HDAC4: variants seen among roughly 807,000 people sequenced by gnomAD.
The protein encoded by HDAC4 is histone deacetylase A.
HDAC4 carries 16 observed loss-of-function variants against 135.1 expected under a neutral mutation model. That is an observed-to-expected ratio of 0.12 (90% confidence interval 0.08 to 0.18). The LOEUF is 0.18. Ranked by LOEUF, HDAC4 falls within the 10% of genes least tolerant of loss-of-function variation. HDAC4 has a pLI of 1.00. For synonymous variants in HDAC4, 685 were observed against 653.4 expected (o/e 1.05, Z -0.74); for missense variants, 1,143 against 1,511.8 (o/e 0.76, Z 4.05).
intron 1 of HDAC4, among the ~76,000 whole-genome samples, chr2:239,399,045 T>C (rs921604055): frequency 6.6e-6 from 1 of 152,210 alleles, no homozygotes; most frequent in African/African-American, 2.4e-5. Context: ...TTTTAAGGCA[T>C]GAAAATACTT....
intron 1 of HDAC4, among the ~76,000 whole-genome samples, chr2:239,367,189 T>G (rs1288549433): frequency 6.6e-6 from 1 of 152,072 alleles, no homozygotes; most frequent in Admixed American, 6.5e-5. Context: ...AAGTCAAATT[T>G]TTGTTCATAA....
chr2:239,181,400 T>A (rs537891971), intron 4 of HDAC4, among the ~76,000 whole-genome samples: 2 of 152,216 alleles, frequency 1.3e-5, no homozygotes, highest in East Asian at 3.9e-4. Context: ...GAGGCCTGGG[T>A]GGGCCGAGGG....
At chr2:239,181,448 G>A (rs1317863449) in intron 4 of HDAC4, among the ~76,000 whole-genome samples, 3 of 152,258 alleles carry the variant, frequency 2.0e-5, no homozygotes, top group African/African-American at 4.8e-5. Flanking sequence ...CAGCGTGTGC[G>A]CAGGAGGGGC....
At chr2:239,350,968 T>A (rs4852052) in intron 2 of HDAC4, among the ~76,000 whole-genome samples, 63,429 of 152,026 alleles carry the variant, frequency 0.42, 14,324 homozygotes, top group East Asian at 0.84. Flanking sequence ...TAATCAAGTG[T>A]ACTCAAACAA....
intron 1 of HDAC4, among the ~76,000 whole-genome samples, chr2:239,381,614 T>C (rs1695421555): frequency 6.6e-6 from 1 of 152,182 alleles, no homozygotes; most frequent in African/African-American, 2.4e-5. Context: ...ACTGGGCAAA[T>C]GCGGTGCCAT....
intron 3 of HDAC4, among the ~76,000 whole-genome samples, chr2:239,234,289 C>A (rs1384520409): frequency 6.6e-6 from 1 of 152,202 alleles, no homozygotes; most frequent in Non-Finnish European, 1.5e-5. Flanking sequence ...CGCCCACCAA[C>A]CCATGCCTGA....
chr2:239,148,799 C>T (rs2041924473), intron 7 of HDAC4, among the ~76,000 whole-genome samples: 1 of 152,234 alleles, frequency 6.6e-6, no homozygotes, highest in African/African-American at 2.4e-5. Context: ...AGACCGTTCA[C>T]ACGCACCGGG....
intron 12 of HDAC4, among the ~76,000 whole-genome samples, chr2:239,119,529 G>A (rs1039270192): frequency 6.9e-6 from 1 of 144,662 alleles, no homozygotes; most frequent in African/African-American, 2.8e-5. Flanking sequence ...GCTCAGAGCT[G>A]AGGGTGTGGG....
intron 4 of HDAC4, chr2:239,186,883 G>A (rs1339289274): frequency 6.6e-6 from 1 of 152,232 alleles, no homozygotes; most frequent in Non-Finnish European, 1.5e-5. Context: ...AAACACACGG[G>A]GCTTAGGCTT....
rs372656549 is a variant in HDAC4 at position 239,242,608 on chromosome 2, C to G, written c.23-5944G>C. ...TACAAATAATGACAGTTGTTTCCAC[C>G]TTCCAGACCTCACACCTTTTCTTCT... On this transcript the variant is annotated intron_variant, in intron 2 of 26. Coordinates refer to ENST00000543185, the MANE Select transcript of HDAC4 (RefSeq NM_001378414.1). 2.6e-5 allele frequency among the ~76,000 whole-genome samples: 4 copies of G among 152,278 alleles called. No individual in the cohort carries two copies. The South Asian group carries it at 8.3e-4, about 32-fold the overall frequency.
At chr2:239,213,379 C>T (rs190307221) in intron 3 of HDAC4, among the ~76,000 whole-genome samples, 125 of 152,310 alleles carry the variant, frequency 8.2e-4, no homozygotes, top group African/African-American at 2.7e-3. Flanking sequence ...CAGCGGTGCC[C>T]GCGCCCCTCA....
chr2:239,094,881 G>C, intron 17 of HDAC4, 129 bp downstream of exon 17: 1 of 1,592,206 alleles, frequency 6.3e-7, no homozygotes, highest in Non-Finnish European at 8.6e-7. Flanking sequence ...GCCGCACATG[G>C]GCAGCCCCTG....
Position 239,061,307 on chromosome 2 carries a change from G to C in HDAC4, c.3003+5415C>G, listed in dbSNP as rs940573600. On this transcript the variant is annotated intron_variant, in intron 24 of 26. Coordinates refer to ENST00000543185, the MANE Select transcript of HDAC4 (RefSeq NM_001378414.1). ...GGTGCTTCTGTGGGTGTGCAGATGT[G>C]TGGTGTGTGCATGCACAAGAGGGCA... Among the ~76,000 whole-genome samples the C allele has an allele frequency of 9.9e-5, 15 of 151,944 alleles. No homozygotes were observed. In the East Asian group the frequency reaches 2.9e-3, roughly 29 times the overall value.
intron 2 of HDAC4, among the ~76,000 whole-genome samples, chr2:239,244,359 G>C (rs1264846919): frequency 2.6e-5 from 4 of 152,162 alleles, no homozygotes; most frequent in Non-Finnish European, 1.5e-5. Flanking sequence ...CTGTGAGAAA[G>C]CGCTGCGCGA....
intron 6 of HDAC4, among the ~76,000 whole-genome samples, chr2:239,159,972 C>A (rs1379365144): frequency 6.6e-6 from 1 of 152,258 alleles, no homozygotes; most frequent in Non-Finnish European, 1.5e-5. Context: ...CTTCTAAACA[C>A]TGGCTTGACT....
intron 2 of HDAC4, among the ~76,000 whole-genome samples, chr2:239,295,305 T>C (rs1465024576): frequency 4.7e-5 from 1 of 21,456 alleles, no homozygotes; most frequent in Non-Finnish European, 7.8e-5. Context: ...AGACTCCGTC[T>C]CAAAAAAAAA....
Position 239,285,889 on chromosome 2 carries a change from C to A in HDAC4, c.23-49225G>T, listed in dbSNP as rs945434474. Reference sequence around the variant, plus strand: ...TCCAGGGCAGCTCCCAGGAAATGCACGTGGCATGCCTATCAGAAGAACGGC... The same window carrying A: ...TCCAGGGCAGCTCCCAGGAAATGCAAGTGGCATGCCTATCAGAAGAACGGC... On this transcript the variant is annotated intron_variant, in intron 2 of 26. Coordinates refer to ENST00000543185, the MANE Select transcript of HDAC4 (RefSeq NM_001378414.1). The surrounding 1 kb of genome is among the most constrained non-coding windows in gnomAD (Gnocchi z 4.5). Among the ~76,000 whole-genome samples, 22 of 152,224 alleles carry A rather than the reference C, an allele frequency of 1.4e-4. No individual in the cohort carries two copies. Among genetic ancestry groups the A allele is most frequent in the Non-Finnish European group, 2.8e-4 (19 of 68,014 alleles).
At position 239,255,145 on chromosome 2, in the gene HDAC4, C is replaced by A. The variant is rs148359198; in HGVS notation, c.23-18481G>T. On this transcript the variant is annotated intron_variant, in intron 2 of 26. Coordinates refer to ENST00000543185, the MANE Select transcript of HDAC4 (RefSeq NM_001378414.1). ...GGGATTATGTCAGAAGGAAGAAAAT[C>A]ATATCCCAGGTGAAAGAGTAAGATG... Among the ~76,000 whole-genome samples, 347 of 152,300 alleles carry A rather than the reference C, an allele frequency of 2.3e-3. 1 individual carries two copies. Among genetic ancestry groups the A allele is most frequent in the African/African-American group, 7.8e-3 (326 of 41,556 alleles).
intron 1 of HDAC4, among the ~76,000 whole-genome samples, chr2:239,369,614 G>A (rs1037812882): frequency 6.6e-5 from 10 of 152,178 alleles, no homozygotes; most frequent in African/African-American, 2.4e-4. Flanking sequence ...CAAGAGACGG[G>A]TCAAGCCCTG....
Sources: gnomAD v4.1 joint callset for allele counts (sites outside exome capture counted in the v4.1 genomes callset) on GRCh38, gnomAD v4.1.1 for gene constraint, Gnocchi (gnomAD v3.1) non-coding constraint, MANE v1.5 for transcripts, NCBI Gene and HGNC (gene_info 2026-07-23, HGNC 2026-07-21) for gene names.